SYT6: variants seen among roughly 807,000 people sequenced by gnomAD.
SYT6 encodes synaptotagmin-6.
In SYT6, 24 loss-of-function variants were observed where a neutral mutation model predicts 38.4. The observed-to-expected ratio is 0.62, with a 90% confidence interval of 0.45 to 0.88. The LOEUF (loss-of-function observed/expected upper bound fraction) is 0.88, where lower values mean the gene tolerates loss of function less well. Among genes scored for constraint, SYT6 ranks in the 40% least tolerant of loss-of-function variants. The pLI is 0.00. For synonymous variants in SYT6, 265 were observed against 241.9 expected (o/e 1.10, Z -0.89); for missense variants, 611 against 621.0 (o/e 0.98, Z 0.17).
chr1:114,102,942 G>A (rs775819942), intron 4 of SYT6, among the ~76,000 whole-genome samples: 49 of 152,206 alleles, frequency 3.2e-4, no homozygotes, highest in Admixed American at 2.0e-3. Flanking sequence ...CTGACACTAC[G>A]TCCATCCTGC....
intron 3 of SYT6, among the ~76,000 whole-genome samples, chr1:114,120,867 C>T (rs1047283609): frequency 2.0e-5 from 3 of 152,230 alleles, no homozygotes; most frequent in African/African-American, 7.2e-5. Flanking sequence ...CTAGGACCCC[C>T]TCCTACGTCA....
At chr1:114,138,150 T>A (rs1678623080) in intron 2 of SYT6, 97 bp from the exon 3 acceptor site, 1 of 1,214,318 alleles carries the variant, frequency 8.2e-7, no homozygotes, top group African/African-American at 1.5e-5. Context: ...GCTCATCTTA[T>A]CCCTTGTTGA....
chr1:114,130,589 C>T (rs1478564292), intron 3 of SYT6, among the ~76,000 whole-genome samples: 3 of 152,202 alleles, frequency 2.0e-5, no homozygotes, highest in Non-Finnish European at 4.4e-5. Context: ...CAATACTCAC[C>T]TCCATCTCCC....
At chr1:114,121,632 G>A (rs1677407160) in intron 3 of SYT6, among the ~76,000 whole-genome samples, 1 of 152,080 alleles carries the variant, frequency 6.6e-6, no homozygotes, top group Non-Finnish European at 1.5e-5. Context: ...GGCAAAGAAG[G>A]GTAAAATATA....
chr1:114,149,217 T>TTGTGTGTGTGTGTGTGTG (rs879834403), intron 1 of SYT6, among the ~76,000 whole-genome samples: 772 of 38,004 alleles, frequency 0.02, 10 homozygotes, highest in African/African-American at 0.086. Flanking sequence ...GAGAGAGAGA[T>TTGTGTGTGTGTGTGTGTG]TGTGTGTGTG....
At chr1:114,102,604 A>G (rs569558824) in intron 4 of SYT6, among the ~76,000 whole-genome samples, 2 of 151,938 alleles carry the variant, frequency 1.3e-5, no homozygotes, top group South Asian at 2.1e-4. Context: ...ATAAATAAAG[A>G]ATACAAAGCA....
chr1:114,093,950 G>T, intron 6 of SYT6, 147 bp from the exon 7 acceptor site: 1 of 763,660 alleles, frequency 1.3e-6, no homozygotes. Context: ...CTACTTTTCT[G>T]TTACAACCTT....
chr1:114,123,188 AT>A (rs1677526464), intron 3 of SYT6, among the ~76,000 whole-genome samples: 1 of 152,128 alleles, frequency 6.6e-6, no homozygotes, highest in Admixed American at 6.6e-5. Context: ...TGGAGGAGGC[AT>A]TTTCAAGCAG....
chr1:114,133,007 A>G (rs670495), intron 3 of SYT6, among the ~76,000 whole-genome samples: 65,984 of 151,678 alleles, frequency 0.44, 15,276 homozygotes, highest in South Asian at 0.63. Flanking sequence ...CTCATTTCCA[A>G]GCCAGAGGCT....
Position 114,099,164 on chromosome 1 carries a change from T to C in SYT6, c.1294A>G (p.Ile432Val), listed in dbSNP as rs1310887415. Reference sequence around the variant, plus strand: ...TTTTCCGGGGGAATGTCAAAGATGATGGCCTCATTGTAGACAGGATTGAGA... The same window carrying C: ...TTTTCCGGGGGAATGTCAAAGATGACGGCCTCATTGTAGACAGGATTGAGA... ...NTLNPVYNEA[I>V]IFDIPPENMD... The change falls in exon 5 of 8, where the codon ATC (isoleucine) becomes GTC (valine). Residue 432 changes from isoleucine (I) to valine (V), a missense_variant. Physicochemically the swap from Ile to Val is conservative, Grantham distance 29. Transcript: ENST00000610222. 9 of 1,614,090 alleles carry C rather than the reference T, an allele frequency of 5.6e-6. No homozygotes were observed. Among genetic ancestry groups the C allele is most frequent in the Non-Finnish European group, 7.6e-6 (9 of 1,180,026 alleles).
intron 4 of SYT6, among the ~76,000 whole-genome samples, chr1:114,101,151 T>C (rs931326636): frequency 7.2e-5 from 11 of 152,098 alleles, no homozygotes; most frequent in Non-Finnish European, 1.6e-4. Flanking sequence ...CCCTCCCGAG[T>C]AGCTGGGATT....
intron 3 of SYT6, among the ~76,000 whole-genome samples, chr1:114,108,063 T>C (rs540101446): frequency 6.6e-6 from 1 of 152,064 alleles, no homozygotes; most frequent in Middle Eastern, 3.4e-3. Flanking sequence ...CTGAGCTCAG[T>C]AGCAGCTGGC....
intron 3 of SYT6, among the ~76,000 whole-genome samples, chr1:114,129,250 A>G (rs1196926922): frequency 2.6e-5 from 4 of 152,112 alleles, no homozygotes; most frequent in Non-Finnish European, 5.9e-5. Context: ...CATATCTACC[A>G]CCATATTTGT....
chr1:114,139,514 T>C, intron 2 of SYT6, 101 bp downstream of exon 2: 1 of 1,495,428 alleles, frequency 6.7e-7, no homozygotes, highest in Non-Finnish European at 9.0e-7. Flanking sequence ...GGATATGTGT[T>C]ATTATTTCTG....
In SYT6 at chr1:114,137,905, C is replaced by A. The variant is rs1004811052; in HGVS notation, c.661G>T (p.Asp221Tyr). 1.1e-5 allele frequency: 17 copies of A among 1,613,930 alleles called. No homozygotes were observed. Among genetic ancestry groups the A allele is most frequent in the African/African-American group, 1.3e-5 (1 of 74,882 alleles). ...CTCTTGGTGGCCTCAGACTTGGCAT[C>A]CTCCCCATCCACCGACTTCTGCTTG... ...LYKQKSVDGEDAKSEATKSCG... is the reference protein window; with the variant it reads ...LYKQKSVDGEYAKSEATKSCG... Residue 221 changes from aspartate (D) to tyrosine (Y), a missense_variant, in exon 3 of 8, where the codon GAT becomes TAT. Asp to Tyr is a radical substitution (Grantham distance 160, BLOSUM62 -3). Coordinates refer to ENST00000610222, the MANE Select transcript of SYT6 (RefSeq NM_001253772.2).
At chr1:114,126,757 T>C (rs756983721) in intron 3 of SYT6, among the ~76,000 whole-genome samples, 1 of 152,214 alleles carries the variant, frequency 6.6e-6, no homozygotes, top group Non-Finnish European at 1.5e-5. Context: ...AGGGGCACAT[T>C]TGGCCGGGGG....
chr1:114,096,731 C>T (rs192501071), intron 6 of SYT6, among the ~76,000 whole-genome samples: 3 of 152,214 alleles, frequency 2.0e-5, no homozygotes, highest in Admixed American at 6.5e-5. Context: ...AATTTTAAGC[C>T]GAGGGGCCAT....
chr1:114,110,222 A>G (rs1052257831), intron 3 of SYT6, among the ~76,000 whole-genome samples: 3 of 152,204 alleles, frequency 2.0e-5, no homozygotes, highest in African/African-American at 4.8e-5. Flanking sequence ...CATGTGTGTC[A>G]TTCATTTGTC....
chr1:114,153,478 C>T, intron 1 of SYT6, 132 bp downstream of exon 1: 1 of 536,604 alleles, frequency 1.9e-6, no homozygotes, highest in Non-Finnish European at 3.3e-6. Context: ...CTGGACGAGG[C>T]TGGCTCCCAA....
Sources: allele counts gnomAD v4.1 joint callset (sites outside exome capture counted in the v4.1 genomes callset), GRCh38; gene constraint gnomAD v4.1.1; transcripts MANE v1.5; gene names NCBI Gene and HGNC (gene_info 2026-07-23, HGNC 2026-07-21).